RHOJ: variants seen among roughly 807,000 people sequenced by gnomAD.
The protein encoded by RHOJ is rho-related GTP-binding protein RhoJ.
In RHOJ, 11 loss-of-function variants were observed where a neutral mutation model predicts 23.4. That is an observed-to-expected ratio of 0.47 (90% confidence interval 0.30 to 0.78). The LOEUF is 0.78. RHOJ is among the 30% of genes least tolerant of loss of function. The pLI is 0.08. For missense variants in RHOJ, 254 were observed against 273.4 expected (o/e 0.93, Z 0.50); for synonymous variants, 102 against 102.7 (o/e 0.99, Z 0.04).
chr14:63,217,065 C>T (rs999522628), intron 1 of RHOJ, among the ~76,000 whole-genome samples: 1 of 123,410 alleles, frequency 8.1e-6, no homozygotes, highest in African/African-American at 2.8e-5. Context: ...TATTCTTTCC[C>T]GCTTTTTTTT....
At chr14:63,229,945 T>G (rs1392267045) in intron 1 of RHOJ, among the ~76,000 whole-genome samples, 1 of 152,204 alleles carries the variant, frequency 6.6e-6, no homozygotes, top group Non-Finnish European at 1.5e-5. Context: ...CCCTAAGGAA[T>G]AGTAACCCAA....
At chr14:63,219,887 G>A (rs4902216) in intron 1 of RHOJ, among the ~76,000 whole-genome samples, 131,027 of 151,720 alleles carry the variant, frequency 0.86, 58,382 homozygotes, top group Non-Finnish European at 0.97. Flanking sequence ...TACATGAAGG[G>A]GAATGCGCAT....
intron 1 of RHOJ, among the ~76,000 whole-genome samples, chr14:63,242,832 G>C (rs1196857369): frequency 6.6e-6 from 1 of 152,178 alleles, no homozygotes; most frequent in Non-Finnish European, 1.5e-5. Context: ...AAGGACGGTA[G>C]TTCAAAGATG....
At chr14:63,251,177 A>C (rs926395841) in intron 1 of RHOJ, among the ~76,000 whole-genome samples, 19 of 152,150 alleles carry the variant, frequency 1.2e-4, no homozygotes, top group Non-Finnish European at 2.2e-4. Flanking sequence ...CCCCTTCCAA[A>C]CTATAAGCTC....
In RHOJ at chr14:63,221,402, C is replaced by A. The variant is rs564230250; in HGVS notation, c.178+16355C>A. Among the ~76,000 whole-genome samples the A allele has an allele frequency of 9.8e-5, 15 of 152,302 alleles. 1 individual carries two copies. The highest frequency in any genetic ancestry group is 7.8e-4 in the Admixed American group (12 of 15,298). ...TCCTTCTAACAAGGCAAGCCTCTTT[C>A]TTCCTGTCACACATGGGCTTAGAGT... On this transcript the variant is annotated intron_variant, in intron 1 of 4. Transcript: ENST00000316754.
intron 4 of RHOJ, among the ~76,000 whole-genome samples, chr14:63,287,625 T>C (rs889046904): frequency 5.3e-5 from 8 of 152,022 alleles, no homozygotes; most frequent in African/African-American, 1.9e-4. Context: ...CTTATCACTC[T>C]TGTATCTTCT....
At chr14:63,207,246 G>T (rs1373467441) in intron 1 of RHOJ, among the ~76,000 whole-genome samples, 3 of 152,028 alleles carry the variant, frequency 2.0e-5, no homozygotes, top group African/African-American at 7.3e-5. Flanking sequence ...TGGCCAGGCT[G>T]GTCTTGAACT....
At chr14:63,281,162 G>A in intron 3 of RHOJ, 27 bp downstream of exon 3, 1 of 1,577,272 alleles carries the variant, frequency 6.3e-7, no homozygotes, top group Admixed American at 1.9e-5. Context: ...TGGCAGGGTG[G>A]AGCGGGCTGC....
intron 1 of RHOJ, among the ~76,000 whole-genome samples, chr14:63,208,140 T>A (rs1206339232): frequency 3.3e-5 from 5 of 152,188 alleles, no homozygotes; most frequent in Non-Finnish European, 1.5e-5. Flanking sequence ...AGGGGAAATA[T>A]CAGTTTTGCA....
intron 2 of RHOJ, among the ~76,000 whole-genome samples, chr14:63,270,974 T>C (rs1460034645): frequency 6.6e-6 from 1 of 152,206 alleles, no homozygotes; most frequent in Non-Finnish European, 1.5e-5. Flanking sequence ...AAAGCTCTTG[T>C]GGAGTTTAAT....
At chr14:63,269,384 T>G in intron 2 of RHOJ, 1 of 425,352 alleles carries the variant, frequency 2.4e-6, no homozygotes, top group Non-Finnish European at 4.2e-6. Flanking sequence ...CATTGATAGG[T>G]AAATAATGAT....
intron 1 of RHOJ, among the ~76,000 whole-genome samples, chr14:63,214,399 G>A (rs1894306390): frequency 6.6e-6 from 1 of 152,192 alleles, no homozygotes; most frequent in South Asian, 2.1e-4. Context: ...CTGTAATGGT[G>A]CCTATGAATC....
intron 1 of RHOJ, among the ~76,000 whole-genome samples, chr14:63,225,664 AT>A (rs1341489367): frequency 6.6e-6 from 1 of 152,202 alleles, no homozygotes. Flanking sequence ...ACTCTAACGT[AT>A]TTTGAAAAGG....
rs370542755 is a variant in RHOJ, at chr14:63,250,366, G to A, written c.179-18744G>A. 2.0e-5 allele frequency among the ~76,000 whole-genome samples: 3 copies of A among 152,040 alleles called. No homozygotes were observed. The East Asian group carries it at 5.8e-4, about 29-fold the overall frequency. On this transcript the variant is annotated intron_variant, in intron 1 of 4. Coordinates refer to ENST00000316754, the MANE Select transcript of RHOJ (RefSeq NM_020663.5). Reference sequence around the variant, plus strand: ...CTCAAGTGATCCTCCCACCTCCTGAGCAGCTGGAACTACAGGTACATGCCA... The same window carrying A: ...CTCAAGTGATCCTCCCACCTCCTGAACAGCTGGAACTACAGGTACATGCCA...
intron 1 of RHOJ, among the ~76,000 whole-genome samples, chr14:63,260,561 T>C (rs1895253810): frequency 6.6e-6 from 1 of 152,220 alleles, no homozygotes; most frequent in African/African-American, 2.4e-5. Flanking sequence ...TCTAACTGTT[T>C]TACATGTTCA....
At chr14:63,288,024 T>C (rs1422810315) in intron 4 of RHOJ, among the ~76,000 whole-genome samples, 1 of 152,230 alleles carries the variant, frequency 6.6e-6, no homozygotes, top group Non-Finnish European at 1.5e-5. Context: ...CTCATAGCAC[T>C]TGACACATGG....
chr14:63,216,840 G>A (rs1253857353), intron 1 of RHOJ, among the ~76,000 whole-genome samples: 2 of 152,120 alleles, frequency 1.3e-5, no homozygotes, highest in Non-Finnish European at 2.9e-5. Context: ...CTCTTAATAA[G>A]TCTCCATATC....
chr14:63,266,578 C>T (rs888617410), intron 1 of RHOJ, among the ~76,000 whole-genome samples: 3 of 152,112 alleles, frequency 2.0e-5, no homozygotes, highest in African/African-American at 4.8e-5. Flanking sequence ...AATGTTTTTC[C>T]ATTTGTTTGT....
intron 1 of RHOJ, among the ~76,000 whole-genome samples, chr14:63,212,428 G>C (rs1338298280): frequency 6.6e-6 from 1 of 152,160 alleles, no homozygotes; most frequent in African/African-American, 2.4e-5. Context: ...GGACCACCTA[G>C]AGTTGCATTC....
Sources: gnomAD v4.1 joint callset for allele counts (sites outside exome capture counted in the v4.1 genomes callset) on GRCh38, gnomAD v4.1.1 for gene constraint, MANE v1.5 for transcripts, NCBI Gene and HGNC (gene_info 2026-07-23, HGNC 2026-07-21) for gene names.